The following ZNF682 variants were observed in gnomAD, a reference collection of about 807,000 sequenced individuals.
ZNF682 encodes zinc finger protein 682.
In ZNF682, 29 loss-of-function variants were observed where a neutral mutation model predicts 36.5. That is an observed-to-expected ratio of 0.80 (90% CI 0.59 to 1.08). The LOEUF is 1.08. ZNF682 is among the 50% of genes least tolerant of loss of function. The probability of loss-of-function intolerance (pLI) is 0.00; values close to 1 mark genes in which losing one functional copy is unlikely to be tolerated. For missense variants in ZNF682, 561 were observed against 579.7 expected, an observed-to-expected ratio of 0.97 and a Z score of 0.33; for synonymous variants, 180 against 197.0, an observed-to-expected ratio of 0.91 and a Z score of 0.72.
chr19:20,011,787 C>T (rs1380271368), intron 3 of ZNF682, among the ~76,000 whole-genome samples: 1 of 152,054 alleles, frequency 6.6e-6, no homozygotes, highest in Admixed American at 6.6e-5. Flanking sequence ...TCTGCAATCC[C>T]AGCACTTTGG....
At chr19:20,012,869 G>A (rs1211738500) in intron 3 of ZNF682, among the ~76,000 whole-genome samples, 2 of 149,186 alleles carry the variant, frequency 1.3e-5, no homozygotes, top group Non-Finnish European at 3.0e-5. Flanking sequence ...AGACATAAAA[G>A]CAGCCAAGAA....
chr19:20,014,370 T>C (rs1942228431), intron 3 of ZNF682, among the ~76,000 whole-genome samples: 1 of 152,194 alleles, frequency 6.6e-6, no homozygotes, highest in South Asian at 2.1e-4. Flanking sequence ...ATTGTAGCAT[T>C]ATTCACAAAA....
chr19:19,999,758 C>T (rs2122281855), downstream of ZNF682, among the ~76,000 whole-genome samples: 1 of 152,300 alleles, frequency 6.6e-6, no homozygotes, highest in South Asian at 2.1e-4. Context: ...TGGTATCGAA[C>T]TCCTGGCCTC....
At chr19:19,998,270 A>AGATGACATTTATACCAT (rs2088140100) in intron 3 of ZNF682, among the ~76,000 whole-genome samples, 1 of 152,198 alleles carries the variant, frequency 6.6e-6, no homozygotes, top group Non-Finnish European at 1.5e-5. Context: ...TGCCTCACTG[A>AGATGACATTTATACCAT]GATGACATTT....
At chr19:20,027,800 A>T (rs1288804969) in intron 1 of ZNF682, among the ~76,000 whole-genome samples, 1 of 150,566 alleles carries the variant, frequency 6.6e-6, no homozygotes, top group East Asian at 2.0e-4. Context: ...AAAAAAAACA[A>T]AGCCTGGGGA....
In ZNF682 at chr19:20,024,575, C is replaced by T. The variant is rs190463191; in HGVS notation, c.4-199G>A. ...CCATGTGGCCAGGTTCGGTGGCTCA[C>T]GCCTGTAATCCCATCATTTTGGGAG... On this transcript the variant is annotated intron_variant, in intron 1 of 3. Coordinates refer to ENST00000397165, the MANE Select transcript of ZNF682 (RefSeq NM_033196.3). Among the ~76,000 whole-genome samples the T allele has an allele frequency of 3.7e-3, 567 of 152,292 alleles. 4 individuals carry two copies. The highest frequency in any genetic ancestry group is 5.2e-3 in the Non-Finnish European group (355 of 68,030).
intron 1 of ZNF682, among the ~76,000 whole-genome samples, chr19:20,035,612 G>GT (rs1455393097): frequency 6.6e-6 from 1 of 152,046 alleles, no homozygotes; most frequent in Non-Finnish European, 1.5e-5. Context: ...AAAATTATCT[G>GT]TAATATTAAT....
intron 1 of ZNF682, among the ~76,000 whole-genome samples, chr19:20,025,478 C>T (rs918342455): frequency 6.6e-6 from 1 of 152,004 alleles, no homozygotes; most frequent in Admixed American, 6.5e-5. Flanking sequence ...GAGATCGAGG[C>T]CATCCTGGCT....
intron 3 of ZNF682, among the ~76,000 whole-genome samples, chr19:20,016,752 TCA>T (rs1399983785): frequency 4.6e-5 from 7 of 152,184 alleles, no homozygotes; most frequent in African/African-American, 1.7e-4. Context: ...ACAAAAGCTG[TCA>T]GTCTTTGTCA....
In ZNF682 at chr19:20,005,914, T is replaced by A; in HGVS notation, c.*91A>T. ...ACATTTGTAGTGTTTCTCTCCAGTA[T>A]GAATTATCTTGTGATTTCAATGCCT... On this transcript the variant is annotated 3_prime_UTR_variant, in exon 4 of 4. Coordinates refer to ENST00000397165, the MANE Select transcript of ZNF682 (RefSeq NM_033196.3). 8.2e-7 allele frequency: 1 copy of A among 1,221,918 alleles called. No homozygotes were observed. Among genetic ancestry groups the A allele is most frequent in the Non-Finnish European group, 1.1e-6 (1 of 872,444 alleles). The allele number at this position is 1,221,918 out of a possible 1,614,324, so 75.7% of individuals were successfully genotyped here.
At chr19:19,997,219 T>C (rs936694552) in exon 4 of ZNF682, 1 of 398,580 alleles carries the variant, frequency 2.5e-6, no homozygotes, top group Non-Finnish European at 4.4e-6. Context: ...CAGGTCAGTT[T>C]CAAGAGGACA....
intron 3 of ZNF682, among the ~76,000 whole-genome samples, chr19:20,021,135 T>C (rs939485789): frequency 4.6e-5 from 7 of 152,182 alleles, no homozygotes; most frequent in African/African-American, 1.7e-4. Flanking sequence ...AAAAATCTCA[T>C]GTTTAAAGAA....
Position 20,039,363 on chromosome 19 carries a change from G to A in ZNF682, c.-18C>T, listed in dbSNP as rs376338734. ...CTCACCATTTTTCGGCTTCCGGGATGTCGTGGAGTCTTAGCTCTGGATCTC... is the reference window on the plus strand; with the variant it reads ...CTCACCATTTTTCGGCTTCCGGGATATCGTGGAGTCTTAGCTCTGGATCTC... On this transcript the variant is annotated 5_prime_UTR_variant, in exon 1 of 4. Coordinates refer to ENST00000397165, the MANE Select transcript of ZNF682 (RefSeq NM_033196.3). 95 of 1,612,186 alleles carry A rather than the reference G, an allele frequency of 5.9e-5. No individual in the cohort carries two copies. The highest frequency in any genetic ancestry group is 7.7e-5 in the Non-Finnish European group (91 of 1,179,938).
At chr19:20,009,202 A>G (rs930006821) in intron 3 of ZNF682, among the ~76,000 whole-genome samples, 1 of 152,176 alleles carries the variant, frequency 6.6e-6, no homozygotes, top group Non-Finnish European at 1.5e-5. Context: ...AAAAGTTGAA[A>G]ATTTTACTAC....
intron 1 of ZNF682, among the ~76,000 whole-genome samples, chr19:20,027,655 AGGCTGAGGCAGGAGAATCAC>A (rs1354112852): frequency 6.6e-6 from 1 of 152,208 alleles, no homozygotes; most frequent in Non-Finnish European, 1.5e-5. Flanking sequence ...GCTACTTGGG[AGGCTGAGGCAGGAGAATCAC>A]TTGAACCCAG....
chr19:20,031,987 T>A (rs541348528), intron 1 of ZNF682, among the ~76,000 whole-genome samples: 1 of 152,310 alleles, frequency 6.6e-6, no homozygotes, highest in East Asian at 1.9e-4. Flanking sequence ...GGCTATAGTG[T>A]CCTGTGTGGC....
chr19:20,007,955 T>C (rs1395556988), intron 3 of ZNF682: 1 of 152,386 alleles, frequency 6.6e-6, no homozygotes, highest in African/African-American at 2.4e-5. Context: ...CATGCACCAC[T>C]TTGCCTGCTG....
At chr19:20,038,357 A>T (rs1235061857) in intron 1 of ZNF682, among the ~76,000 whole-genome samples, 1 of 152,196 alleles carries the variant, frequency 6.6e-6, no homozygotes, top group Non-Finnish European at 1.5e-5. Context: ...ACTGTGTCTG[A>T]AATGTACAAA....
chr19:20,009,858 T>G (rs759439426), intron 3 of ZNF682, among the ~76,000 whole-genome samples: 3 of 151,904 alleles, frequency 2.0e-5, no homozygotes, highest in Non-Finnish European at 4.4e-5. Flanking sequence ...CTGCCTCTAT[T>G]AAATACAAAA....
Sources: allele counts gnomAD v4.1 joint callset (sites outside exome capture counted in the v4.1 genomes callset), GRCh38; gene constraint gnomAD v4.1.1; transcripts MANE v1.5; gene names NCBI Gene and HGNC (gene_info 2026-07-23, HGNC 2026-07-21).